The following PYGB variants were observed in gnomAD, a reference collection of about 807,000 sequenced individuals.
PYGB encodes glycogen phosphorylase B.
PYGB carries 82 observed loss-of-function variants against 94.3 expected under a neutral mutation model. That is an observed-to-expected ratio of 0.87 (90% CI 0.73 to 1.04). PYGB has a LOEUF of 1.04. Ranked by LOEUF, PYGB falls within the 50% of genes least tolerant of loss-of-function variation. The probability of loss-of-function intolerance (pLI) is 0.00; values close to 1 mark genes in which losing one functional copy is unlikely to be tolerated. For missense variants in PYGB, 1,132 were observed against 1,158.2 expected (o/e 0.98, Z 0.33); for synonymous variants, 488 against 479.1 (o/e 1.02, Z -0.24).
chr20:25,270,276 A>T (rs536761876), intron 3 of PYGB, among the ~76,000 whole-genome samples: 1 of 139,938 alleles, frequency 7.1e-6, no homozygotes, highest in Non-Finnish European at 1.5e-5. Flanking sequence ...ATCTCGGCTC[A>T]CTGCAAGCTC....
At chr20:25,284,398 A>G in intron 14 of PYGB, 147 bp downstream of exon 14, 1 of 1,150,316 alleles carries the variant, frequency 8.7e-7, no homozygotes, top group Non-Finnish European at 1.2e-6. Flanking sequence ...CGTTTATTTT[A>G]AGCAAAAGCC....
At chr20:25,254,087 A>T (rs1416601055) in intron 1 of PYGB, among the ~76,000 whole-genome samples, 1 of 142,322 alleles carries the variant, frequency 7.0e-6, no homozygotes. Flanking sequence ...AAAAAAAAAA[A>T]ACTGAGTCAT....
At chr20:25,293,105 T>C (rs1008092717) in intron 17 of PYGB, among the ~76,000 whole-genome samples, 3 of 125,726 alleles carry the variant, frequency 2.4e-5, no homozygotes, top group African/African-American at 9.5e-5. Flanking sequence ...TTTGGAAACA[T>C]TTTAAATGTG....
chr20:25,251,112 C>G (rs1368788736), intron 1 of PYGB: 1 of 152,196 alleles, frequency 6.6e-6, no homozygotes, highest in Non-Finnish European at 1.5e-5. Context: ...CTTGGCAAAT[C>G]AGCACGTCAA....
chr20:25,257,373 C>T, intron 1 of PYGB, among the ~76,000 whole-genome samples: 1 of 152,230 alleles, frequency 6.6e-6, no homozygotes, highest in Non-Finnish European at 1.5e-5. Context: ...TGGAGACGCA[C>T]AGGCTTCGAG....
intron 18 of PYGB, chr20:25,295,107 A>G: frequency 7.0e-7 from 1 of 1,423,928 alleles, no homozygotes; most frequent in South Asian, 1.1e-5. Flanking sequence ...TAGTGAACAG[A>G]AATGCATTTG....
At chr20:25,251,934 TAAA>T (rs965061028) in intron 1 of PYGB, among the ~76,000 whole-genome samples, 1 of 149,818 alleles carries the variant, frequency 6.7e-6, no homozygotes, top group Non-Finnish European at 1.5e-5. Flanking sequence ...ACCCAGGAGT[TAAA>T]GAAGATGATC....
intron 17 of PYGB, among the ~76,000 whole-genome samples, chr20:25,292,856 G>A: frequency 6.6e-6 from 1 of 152,094 alleles, no homozygotes; most frequent in East Asian, 2.0e-4. Context: ...CGGCTCTGAG[G>A]CTGAATCTGC....
intron 2 of PYGB, 36 bp downstream of exon 2, chr20:25,259,374 C>T: frequency 6.7e-7 from 1 of 1,500,192 alleles, no homozygotes; most frequent in Non-Finnish European, 9.3e-7. Context: ...TGGGTGGCCC[C>T]TCGTGGTGCT....
rs1279786595 is a variant in PYGB, at chr20:25,292,624, G to A, written c.2177+11G>A. On this transcript the variant is annotated intron_variant, in intron 17 of 19. Coordinates refer to ENST00000216962, the MANE Select transcript of PYGB (RefSeq NM_002862.4). The stretch of plus-strand genomic sequence containing the variant: ...CTTGGACCGGAAAGGGTGCGAGCCT[G>A]TGCCCCTGGGCACCTGGCACCGTGA... 1 of 1,608,090 alleles carries A rather than the reference G, an allele frequency of 6.2e-7. No homozygotes were observed. Among genetic ancestry groups the A allele is most frequent in the Admixed American group, 1.7e-5 (1 of 59,928 alleles).
chr20:25,273,377 G>A (rs966913792), intron 4 of PYGB, among the ~76,000 whole-genome samples: 3 of 152,032 alleles, frequency 2.0e-5, no homozygotes, highest in East Asian at 1.9e-4. Context: ...CCTGCTGTGC[G>A]GAGGGGCCTC....
At chr20:25,282,005 G>A (rs2088371940) in intron 11 of PYGB, 28 bp from the exon 12 acceptor site, 1 of 1,565,682 alleles carries the variant, frequency 6.4e-7, no homozygotes, top group Non-Finnish European at 8.8e-7. Flanking sequence ...CAGCATTTGT[G>A]ACAGTTCCCT....
At chr20:25,266,827 A>G (rs6050503) in intron 2 of PYGB, among the ~76,000 whole-genome samples, 9,881 of 152,296 alleles carry the variant, frequency 0.065, 987 homozygotes, top group African/African-American at 0.22. Context: ...TATTCCCACA[A>G]GAATGGCTAT....
chr20:25,253,013 T>A (rs534432532), intron 1 of PYGB, among the ~76,000 whole-genome samples: 5 of 152,206 alleles, frequency 3.3e-5, no homozygotes, highest in Non-Finnish European at 7.4e-5. Context: ...TTGTTATGAA[T>A]AACAAAAGAC....
intron 2 of PYGB, among the ~76,000 whole-genome samples, chr20:25,259,571 G>A (rs978006142): frequency 6.6e-6 from 1 of 152,196 alleles, no homozygotes; most frequent in Non-Finnish European, 1.5e-5. Flanking sequence ...GAATTGGGAT[G>A]CGAAGGTGTG....
chr20:25,277,269 G>C lies in PYGB; in HGVS notation c.798G>C (p.Ala266=). The C allele has an allele frequency of 1.9e-6, 3 of 1,580,802 alleles. No individual in the cohort carries two copies. Among genetic ancestry groups the C allele is most frequent in the Non-Finnish European group, 2.6e-6 (3 of 1,149,774 alleles). ...QDFNVGDYIE[A]VLDRNLAENI... is the part of the protein sequence containing the mutation. ...TCAACGTGGGAGACTACATCGAGGC[G>C]GTCCTGGACCGGAACTTGGCTGAGA... Residue 266 remains alanine, a synonymous_variant, in exon 7 of 20, where the codon GCG becomes GCC. Transcript: ENST00000216962.
At chr20:25,292,809 G>T (rs967908036) in intron 17 of PYGB, among the ~76,000 whole-genome samples, 196 bp downstream of exon 17, 42 of 152,248 alleles carry the variant, frequency 2.8e-4, no homozygotes, top group African/African-American at 1.0e-3. Flanking sequence ...CGGGCTGCGG[G>T]CGAGGCCCAC....
At chr20:25,286,972 G>C (rs938614507) in intron 14 of PYGB, among the ~76,000 whole-genome samples, 1 of 152,124 alleles carries the variant, frequency 6.6e-6, no homozygotes, top group Non-Finnish European at 1.5e-5. Context: ...AGCATTTAAG[G>C]GGCAGCTGCA....
At chr20:25,273,738 C>T (rs149222449) in intron 4 of PYGB, among the ~76,000 whole-genome samples, 15 of 151,588 alleles carry the variant, frequency 9.9e-5, no homozygotes, top group Admixed American at 1.3e-4. Flanking sequence ...GAAGCCCTCC[C>T]GGAACAGCTT....
Sources: gnomAD v4.1 joint callset for allele counts (sites outside exome capture counted in the v4.1 genomes callset) on GRCh38, gnomAD v4.1.1 for gene constraint, MANE v1.5 for transcripts, NCBI Gene and HGNC (gene_info 2026-07-23, HGNC 2026-07-21) for gene names.